The following MAML2 variants were observed in gnomAD, a reference collection of about 807,000 sequenced individuals.
The protein encoded by MAML2 is mastermind like transcriptional coactivator 2, also known as mastermind-like protein 2.
Under a neutral mutation model 96.1 loss-of-function variants are expected in MAML2, and 22 were observed. The ratio of observed to expected loss-of-function variants is 0.23; its 90% CI spans 0.16 to 0.33. The LOEUF (loss-of-function observed/expected upper bound fraction) is 0.33. Ranked by LOEUF, MAML2 falls within the 10% of genes least tolerant of loss-of-function variation. The pLI is 1.00. For missense variants in MAML2, 1,367 were observed against 1,392.4 expected (o/e 0.98, Z 0.29); for synonymous variants, 561 against 521.3 (o/e 1.08, Z -1.04).
chr11:95,977,843 A>C lies in MAML2; in HGVS notation c.*1105T>G, dbSNP rs1857671076. ...CCAAATAATACGTCCAATGAAGGAC[A>C]AATTGTTTTCCCTCTTGATTATGCG... On this transcript the variant is annotated 3_prime_UTR_variant, in exon 5 of 5. Coordinates refer to ENST00000524717, the MANE Select transcript of MAML2 (RefSeq NM_032427.4). 1.8e-5 allele frequency: 4 copies of C among 226,492 alleles called. No individual in the cohort carries two copies. The highest frequency in any genetic ancestry group is 1.8e-4 in the South Asian group (1 of 5,480). The allele number at this position is 226,492 out of a possible 1,614,324, so 14.0% of individuals were successfully genotyped here.
intron 2 of MAML2, among the ~76,000 whole-genome samples, chr11:96,056,770 C>T (rs1465057657): frequency 1.3e-5 from 2 of 152,150 alleles, no homozygotes; most frequent in African/African-American, 2.4e-5. Context: ...AATTATCTTC[C>T]CAGTTCTCAT....
intron 2 of MAML2, among the ~76,000 whole-genome samples, chr11:96,086,121 C>G (rs1381307687): frequency 1.3e-5 from 2 of 152,134 alleles, no homozygotes; most frequent in African/African-American, 4.8e-5. Context: ...GTAATAAGGA[C>G]AGATACCTCC....
intron 1 of MAML2, among the ~76,000 whole-genome samples, chr11:96,287,185 C>T (rs1202195699): frequency 6.6e-6 from 1 of 152,182 alleles, no homozygotes; most frequent in Admixed American, 6.5e-5. Flanking sequence ...ATTATAAGAG[C>T]ATTACATCAT....
At chr11:96,254,711 C>T (rs965724241) in intron 1 of MAML2, among the ~76,000 whole-genome samples, 8 of 152,196 alleles carry the variant, frequency 5.3e-5, no homozygotes, top group African/African-American at 1.7e-4. Flanking sequence ...AATTAAAAGT[C>T]GTTCCAGAGC....
At chr11:96,057,271 T>G (rs899734508) in intron 2 of MAML2, among the ~76,000 whole-genome samples, 2 of 152,210 alleles carry the variant, frequency 1.3e-5, no homozygotes, top group Non-Finnish European at 2.9e-5. Context: ...AGAAGCCATT[T>G]CGTTCCTGAT....
At chr11:96,035,904 A>C (rs1388390082) in intron 2 of MAML2, among the ~76,000 whole-genome samples, 2 of 152,306 alleles carry the variant, frequency 1.3e-5, no homozygotes, top group East Asian at 3.9e-4. Context: ...TCTCTGATAC[A>C]CGTGCTGGGC....
At chr11:96,189,068 T>TG (rs1555021771) in intron 1 of MAML2, among the ~76,000 whole-genome samples, 1 of 101,034 alleles carries the variant, frequency 9.9e-6, no homozygotes, top group African/African-American at 3.3e-5. Context: ...GAAACTGTTT[T>TG]GTTTTTTTTT....
intron 2 of MAML2, among the ~76,000 whole-genome samples, chr11:96,075,092 G>T (rs1362271088): frequency 6.6e-6 from 1 of 152,164 alleles, no homozygotes; most frequent in Non-Finnish European, 1.5e-5. Flanking sequence ...TTTCAGTTCT[G>T]AAGGTGAGAA....
intron 1 of MAML2, among the ~76,000 whole-genome samples, chr11:96,228,972 CA>C (rs10672512): frequency 3.4e-5 from 5 of 148,856 alleles, no homozygotes; most frequent in African/African-American, 7.4e-5. Context: ...TCTAGTTGAA[CA>C]AAAAAAAAAT....
chr11:96,269,187 G>C (rs1862875452), intron 1 of MAML2, among the ~76,000 whole-genome samples: 1 of 144,506 alleles, frequency 6.9e-6, no homozygotes, highest in East Asian at 2.0e-4. Context: ...GATTAAGACG[G>C]ATGACTTCAT....
chr11:96,086,684 C>A (rs1039272314), intron 2 of MAML2, among the ~76,000 whole-genome samples: 4 of 152,186 alleles, frequency 2.6e-5, no homozygotes, highest in African/African-American at 9.6e-5. Flanking sequence ...TAATCCAGAA[C>A]TGTGCTTGGC....
intron 2 of MAML2, among the ~76,000 whole-genome samples, chr11:96,084,603 T>G (rs750861178): frequency 6.6e-6 from 1 of 152,100 alleles, no homozygotes; most frequent in Non-Finnish European, 1.5e-5. Context: ...TTTCAAGGCC[T>G]GCGATGAAAC....
chr11:96,106,901 T>C (rs1860030803), intron 1 of MAML2, among the ~76,000 whole-genome samples: 1 of 151,934 alleles, frequency 6.6e-6, no homozygotes, highest in Non-Finnish European at 1.5e-5. Flanking sequence ...AGCTAGAGGA[T>C]AAAGTGCTTC....
chr11:96,213,080 A>G (rs1861995329), intron 1 of MAML2, among the ~76,000 whole-genome samples: 1 of 152,150 alleles, frequency 6.6e-6, no homozygotes, highest in South Asian at 2.1e-4. Flanking sequence ...TTTTTAGCCT[A>G]TTTTACAGGT....
chr11:96,225,638 C>T (rs1195707574), intron 1 of MAML2, among the ~76,000 whole-genome samples: 1 of 152,060 alleles, frequency 6.6e-6, no homozygotes, highest in African/African-American at 2.4e-5. Context: ...TCAAGACCAG[C>T]CTGAGCAACA....
At chr11:96,216,758 C>G (rs953665345) in intron 1 of MAML2, among the ~76,000 whole-genome samples, 2 of 152,118 alleles carry the variant, frequency 1.3e-5, no homozygotes, top group Non-Finnish European at 2.9e-5. Context: ...GATTAGAAGC[C>G]AACGTAATGT....
chr11:96,035,737 A>C (rs1333178009), intron 2 of MAML2, among the ~76,000 whole-genome samples: 1 of 152,220 alleles, frequency 6.6e-6, no homozygotes, highest in East Asian at 1.9e-4. Flanking sequence ...CTTCCAGGAA[A>C]TCTTCATATA....
In MAML2 at chr11:96,092,045, C is replaced by T; in HGVS notation, c.1986G>A (p.Gln662=). 1.3e-6 allele frequency: 2 copies of T among 1,553,756 alleles called. No individual in the cohort carries two copies. The highest frequency in any genetic ancestry group is 1.7e-6 in the Non-Finnish European group (2 of 1,148,508). ...QQQQQQQQQQ[Q]QQQPSSQPAQ... is the part of the protein sequence containing the mutation. ...CAGGCTGAGAAGATGGTTGTTGCTGCTGCTGCTGCTGCTGTTGTTGCTGTT... is the reference window on the plus strand; with the variant it reads ...CAGGCTGAGAAGATGGTTGTTGCTGTTGCTGCTGCTGCTGTTGTTGCTGTT... Residue 662 remains glutamine, a synonymous_variant, in exon 2 of 5, where the codon CAG becomes CAA. Coordinates refer to ENST00000524717, the MANE Select transcript of MAML2 (RefSeq NM_032427.4). The surrounding 1 kb of genome is among the most constrained non-coding windows in gnomAD (Gnocchi z 4.1).
At chr11:96,220,284 T>G (rs904911855) in intron 1 of MAML2, among the ~76,000 whole-genome samples, 1 of 152,184 alleles carries the variant, frequency 6.6e-6, no homozygotes, top group East Asian at 1.9e-4. Flanking sequence ...TCTCTTTCTC[T>G]GTGCTCCTTT....
Sources: allele counts gnomAD v4.1 joint callset (sites outside exome capture counted in the v4.1 genomes callset), GRCh38; gene constraint gnomAD v4.1.1; non-coding constraint Gnocchi (gnomAD v3.1); transcripts MANE v1.5; gene names NCBI Gene and HGNC (gene_info 2026-07-23, HGNC 2026-07-21).